LRRC56: variants seen among roughly 807,000 people sequenced by gnomAD.
The protein encoded by LRRC56 is leucine-rich repeat-containing protein 56.
A neutral mutation model predicts 47.8 loss-of-function variants in LRRC56; 41 were observed. The ratio of observed to expected loss-of-function variants is 0.86; its 90% CI spans 0.67 to 1.11. The LOEUF (loss-of-function observed/expected upper bound fraction) is 1.11. Ranked by LOEUF, LRRC56 falls within the 50% of genes most tolerant of loss-of-function variation. LRRC56 has a pLI of 0.00. For missense variants in LRRC56, 759 were observed against 704.2 expected (o/e 1.08, Z -0.88); for synonymous variants, 387 against 311.2 (o/e 1.24, Z -2.56).
chr11:538,440 T>TG (rs1167770108), intron 1 of LRRC56, among the ~76,000 whole-genome samples, 158 bp from the exon 2 acceptor site: 1 of 152,050 alleles, frequency 6.6e-6, no homozygotes, highest in East Asian at 1.9e-4. Context: ...AGGCAGGCAG[T>TG]GGGGGAGATT....
the LRRC56 span, among the ~76,000 whole-genome samples, chr11:527,157 C>T: frequency 1.7e-4 from 26 of 152,022 alleles, no homozygotes; most frequent in East Asian, 2.7e-3. Context: ...AAAAATTAGC[C>T]GGGTGTGGTG....
upstream of LRRC56, among the ~76,000 whole-genome samples, chr11:534,760 C>T (rs1851352392): frequency 2.0e-5 from 3 of 152,218 alleles, no homozygotes; most frequent in Admixed American, 1.3e-4. Context: ...ACGGCGTGCC[C>T]GGGCAGGCTA....
chr11:531,520 C>T, the LRRC56 span, among the ~76,000 whole-genome samples: 1 of 152,202 alleles, frequency 6.6e-6, no homozygotes, highest in Non-Finnish European at 1.5e-5. Context: ...TGTGTATACC[C>T]AGCAAGGCTG....
At chr11:544,197 T>C (rs1398192746) in intron 5 of LRRC56, among the ~76,000 whole-genome samples, 1 of 151,984 alleles carries the variant, frequency 6.6e-6, no homozygotes, top group African/African-American at 2.4e-5. Context: ...TCTGGTCCTG[T>C]GTTGTGTGTG....
At chr11:513,106 G>A in the LRRC56 span, among the ~76,000 whole-genome samples, 19 of 152,238 alleles carry the variant, frequency 1.2e-4, no homozygotes, top group Non-Finnish European at 2.1e-4. Flanking sequence ...TGCAGGGGCC[G>A]TCGCAGAGCT....
intron 5 of LRRC56, among the ~76,000 whole-genome samples, chr11:542,560 G>A (rs1414549977): frequency 1.8e-5 from 2 of 113,548 alleles, no homozygotes; most frequent in Non-Finnish European, 3.3e-5. Context: ...CAGACTGGGC[G>A]ACAGAGCAAA....
At chr11:520,438 A>G in the LRRC56 span, among the ~76,000 whole-genome samples, 1 of 151,754 alleles carries the variant, frequency 6.6e-6, no homozygotes, top group African/African-American at 2.4e-5. Context: ...CTCCTGCCTC[A>G]GCCTCCCGAG....
At chr11:509,278 G>A in the LRRC56 span, among the ~76,000 whole-genome samples, 37 of 152,312 alleles carry the variant, frequency 2.4e-4, no homozygotes, top group Admixed American at 2.0e-3. Flanking sequence ...CTGACTCCTG[G>A]ACTGGTTCTC....
chr11:520,505 G>A, the LRRC56 span, among the ~76,000 whole-genome samples: 4 of 152,054 alleles, frequency 2.6e-5, no homozygotes, highest in African/African-American at 9.7e-5. Context: ...TTTCAGTAGG[G>A]ACGGGGTTTC....
At chr11:532,471 T>G in the LRRC56 span, 2 of 937,786 alleles carry the variant, frequency 2.1e-6, no homozygotes, top group South Asian at 3.2e-5. Context: ...TTCCTCCTCC[T>G]TCCGTCTGCA....
At chr11:539,275 T>C (rs991494900) in intron 2 of LRRC56, among the ~76,000 whole-genome samples, 14 of 151,334 alleles carry the variant, frequency 9.3e-5, no homozygotes, top group African/African-American at 2.9e-4. Flanking sequence ...TTAGTAGAGA[T>C]GGGGTTTCAC....
At chr11:544,464 G>C (rs1332413568) in intron 5 of LRRC56, among the ~76,000 whole-genome samples, 1 of 152,176 alleles carries the variant, frequency 6.6e-6, no homozygotes, top group African/African-American at 2.4e-5. Flanking sequence ...TGAGGCTTTG[G>C]GGGCTCAGGG....
At chr11:547,415 G>A (rs112951315) in intron 6 of LRRC56, among the ~76,000 whole-genome samples, 29,612 of 151,124 alleles carry the variant, frequency 0.2, 3,350 homozygotes, top group African/African-American at 0.32. Flanking sequence ...GTGCAGTGGC[G>A]CAATCTCGGC....
chr11:546,368 A>G (rs1852080299), intron 6 of LRRC56, among the ~76,000 whole-genome samples: 1 of 152,062 alleles, frequency 6.6e-6, no homozygotes, highest in South Asian at 2.1e-4. Context: ...GGAGATTGAG[A>G]CCATACTGAC....
At chr11:510,249 C>A in the LRRC56 span, among the ~76,000 whole-genome samples, 1 of 152,158 alleles carries the variant, frequency 6.6e-6, no homozygotes, top group African/African-American at 2.4e-5. Flanking sequence ...AGTCAGACCC[C>A]GGGGAGAGAG....
the LRRC56 span, chr11:529,870 A>G: frequency 6.6e-6 from 1 of 152,196 alleles, no homozygotes; most frequent in Non-Finnish European, 1.5e-5. Flanking sequence ...GTCAGCTCCC[A>G]CATGGGGGCC....
the LRRC56 span, among the ~76,000 whole-genome samples, chr11:518,976 C>CGCG: frequency 6.6e-6 from 1 of 151,902 alleles, no homozygotes; most frequent in Non-Finnish European, 1.5e-5. Context: ...GGCCCCAAGA[C>CGCG]GCGGCGCGCT....
At chr11:553,868 G>A in intron 13 of LRRC56, 95 bp from the exon 14 acceptor site, 1 of 1,130,792 alleles carries the variant, frequency 8.8e-7, no homozygotes, top group Non-Finnish European at 1.3e-6. Context: ...ACTGCCTCGG[G>A]GCTGCAGGGC....
At chr11:544,087 C>G (rs10902168) in intron 5 of LRRC56, among the ~76,000 whole-genome samples, 52,777 of 152,208 alleles carry the variant, frequency 0.35, 9,403 homozygotes, top group African/African-American at 0.39. Flanking sequence ...TTCTGTCTGC[C>G]TCACAGGGGC....
Sources: allele counts gnomAD v4.1 joint callset (sites outside exome capture counted in the v4.1 genomes callset), GRCh38; gene constraint gnomAD v4.1.1; transcripts MANE v1.5; gene names NCBI Gene and HGNC (gene_info 2026-07-23, HGNC 2026-07-21).